BSCL2: variants seen among roughly 807,000 people sequenced by gnomAD.
The protein encoded by BSCL2 is BSCL2 lipid droplet biogenesis associated, seipin, also known as seipin.
BSCL2 carries 41 observed loss-of-function variants against 57.4 expected under a neutral mutation model. The ratio of observed to expected loss-of-function variants is 0.71; its 90% CI spans 0.56 to 0.93. The LOEUF is 0.93. BSCL2 is among the 40% of genes least tolerant of loss of function. The pLI, the probability that BSCL2 is intolerant of heterozygous loss-of-function variation, is 0.00. For synonymous variants in BSCL2, 237 were observed against 227.3 expected, an observed-to-expected ratio of 1.04 and a Z score of -0.38; for missense variants, 539 against 586.7, an observed-to-expected ratio of 0.92 and a Z score of 0.84.
At chr11:62,698,643 CATTA>C (rs1945546572) in intron 3 of BSCL2, among the ~76,000 whole-genome samples, 1 of 152,218 alleles carries the variant, frequency 6.6e-6, no homozygotes, top group Admixed American at 6.5e-5. Context: ...TTATTTCATT[CATTA>C]ATTCATTTAA....
At chr11:62,699,314 C>T (rs1945568258) in intron 3 of BSCL2, among the ~76,000 whole-genome samples, 1 of 152,168 alleles carries the variant, frequency 6.6e-6, no homozygotes, top group African/African-American at 2.4e-5. Context: ...TCTCCTGCCT[C>T]AGCCTCCCAA....
chr11:62,693,988 A>G (rs999482435), intron 4 of BSCL2, among the ~76,000 whole-genome samples: 2 of 151,714 alleles, frequency 1.3e-5, no homozygotes, highest in Non-Finnish European at 1.5e-5. Context: ...CTAATTTTGT[A>G]TTTTTAGTAG....
At chr11:62,707,018 T>C (rs2083551303) in intron 1 of BSCL2, 91 bp downstream of exon 1, 3 of 1,136,324 alleles carry the variant, frequency 2.6e-6, no homozygotes, top group African/African-American at 1.6e-5. Context: ...ATGAATGAAA[T>C]TCTTAAAACC....
chr11:62,706,126 G>A (rs1018927012), intron 1 of BSCL2: 1 of 809,848 alleles, frequency 1.2e-6, no homozygotes, highest in Non-Finnish European at 1.5e-6. Context: ...ACGCCCGGCG[G>A]AGCGCCCTGC....
chr11:62,708,162 A>G (rs955560475), upstream of BSCL2: 4 of 628,638 alleles, frequency 6.4e-6, no homozygotes, highest in African/African-American at 7.2e-5. Context: ...AGTCCACTGG[A>G]GGAGGAGGAG....
At chr11:62,699,802 C>T (rs994470661) in intron 3 of BSCL2, among the ~76,000 whole-genome samples, 5 of 151,150 alleles carry the variant, frequency 3.3e-5, no homozygotes, top group Non-Finnish European at 7.4e-5. Flanking sequence ...CCTCAGCCTC[C>T]AAAGTAGCTG....
chr11:62,705,164 G>A (rs1475424275), intron 2 of BSCL2, 137 bp downstream of exon 2: 2 of 935,734 alleles, frequency 2.1e-6, no homozygotes, highest in Admixed American at 2.2e-5. Flanking sequence ...GCCTTGGGCT[G>A]TGAAAGTTGA....
intron 1 of BSCL2, chr11:62,706,409 C>T (rs550768589): frequency 4.5e-6 from 3 of 666,554 alleles, no homozygotes; most frequent in Non-Finnish European, 6.4e-6. Context: ...CGGGACGGGG[C>T]GGAGCCTTCC....
chr11:62,702,626 G>C, intron 2 of BSCL2, 77 bp from the exon 3 acceptor site: 1 of 1,215,324 alleles, frequency 8.2e-7, no homozygotes, highest in Non-Finnish European at 1.2e-6. Flanking sequence ...GCCCCCTAGG[G>C]CTCCCTCCTG....
chr11:62,708,774 C>A, upstream of BSCL2: 1 of 1,614,126 alleles, frequency 6.2e-7, no homozygotes, highest in East Asian at 2.2e-5. Flanking sequence ...GAACCCCTTC[C>A]GGGAGAAGAA....
At position 62,694,680 on chromosome 11, in the gene BSCL2, G is replaced by GT. The variant is rs786205071; in HGVS notation, c.517dup (p.Thr173AsnfsTer5). The stretch of plus-strand genomic sequence containing the variant: ...GGACTCTGGCAGCTCAAGCTCTAAG[G>GT]TAACACGATACGGCTGTCCATACAT... On this transcript the variant is annotated frameshift_variant, in exon 4 of 11. Transcript: ENST00000360796. LOFTEE classifies it high-confidence loss of function. 7 of 1,614,018 alleles carry GT rather than the reference G, an allele frequency of 4.3e-6. No homozygotes were observed. The highest frequency in any genetic ancestry group is 3.3e-5 in the Admixed American group (2 of 59,982).
intron 3 of BSCL2, among the ~76,000 whole-genome samples, chr11:62,698,583 G>A (rs1263374837): frequency 6.6e-6 from 1 of 152,336 alleles, no homozygotes; most frequent in East Asian, 1.9e-4. Context: ...AGCTCATTGA[G>A]AGCAGCGACC....
intron 8 of BSCL2, 94 bp from the exon 9 acceptor site, chr11:62,690,961 C>A (rs1175870272): frequency 4.4e-6 from 7 of 1,578,274 alleles, no homozygotes; most frequent in African/African-American, 1.4e-5. Flanking sequence ...TTCCTTTGAC[C>A]CTTGTCTCAG....
intron 8 of BSCL2, 34 bp downstream of exon 8, chr11:62,691,041 C>A (rs1404474208): frequency 6.2e-7 from 1 of 1,613,176 alleles, no homozygotes; most frequent in Admixed American, 1.7e-5. Flanking sequence ...CTCAACCTAG[C>A]CCACCTCAAC....
chr11:62,708,795 G>A, upstream of BSCL2: 6 of 1,613,318 alleles, frequency 3.7e-6, no homozygotes, highest in Non-Finnish European at 5.1e-6. Flanking sequence ...GTTCTTCTGT[G>A]CTCTCCTCTG....
Position 62,699,267 on chromosome 11 carries a change from G to A in BSCL2, c.486+3201C>T, listed in dbSNP as rs141210734. Among the ~76,000 whole-genome samples, 593 of 149,648 alleles carry A rather than the reference G, an allele frequency of 4.0e-3. 3 individuals carry two copies. Among genetic ancestry groups the A allele is most frequent in the African/African-American group, 0.014 (553 of 40,542 alleles). On this transcript the variant is annotated intron_variant, in intron 3 of 10. Coordinates refer to ENST00000360796, the MANE Select transcript of BSCL2 (RefSeq NM_001122955.4). ...GGCTGGAGTGCAGTGGCGCGATCTC[G>A]GCTCACTGCAAGCTCCGCCTCCCAG...
At position 62,690,901 on chromosome 11, in the gene BSCL2, G is replaced by A. The variant is rs1242686759; in HGVS notation, c.1073-34C>T. 7 of 1,610,588 alleles carry A rather than the reference G, an allele frequency of 4.3e-6. No homozygotes were observed. The Admixed American group carries it at 1.0e-4, about 23-fold the overall frequency. On this transcript the variant is annotated intron_variant, in intron 8 of 10. Transcript: ENST00000360796. The stretch of plus-strand genomic sequence containing the variant: ...CCAAAGAGGGAGAGGACAGGTTAGG[G>A]TTAGGGTGGCTGTGCCTGGACGGCA...
chr11:62,709,012 C>T (rs1254260080), upstream of BSCL2: 3 of 566,100 alleles, frequency 5.3e-6, no homozygotes, highest in East Asian at 3.1e-5. Flanking sequence ...CCAAGCACCC[C>T]AGAGATATGA....
At chr11:62,699,993 A>C (rs1311441997) in intron 3 of BSCL2, among the ~76,000 whole-genome samples, 2 of 150,110 alleles carry the variant, frequency 1.3e-5, no homozygotes, top group African/African-American at 2.4e-5. Flanking sequence ...TAATCCTAAC[A>C]CTGTGGGAGG....
Sources: gnomAD v4.1 joint callset for allele counts (sites outside exome capture counted in the v4.1 genomes callset) on GRCh38, gnomAD v4.1.1 for gene constraint, MANE v1.5 for transcripts, NCBI Gene and HGNC (gene_info 2026-07-23, HGNC 2026-07-21) for gene names.